Variants in IKZF3 observed in about 807,000 individuals in gnomAD.
The protein encoded by IKZF3 is zinc finger protein Aiolos.
A neutral mutation model predicts 49.0 loss-of-function variants in IKZF3; 10 were observed. The ratio of observed to expected loss-of-function variants is 0.20; its 90% CI spans 0.13 to 0.35. IKZF3 has a LOEUF of 0.35. Ranked by LOEUF, IKZF3 falls within the 10% of genes least tolerant of loss-of-function variation. The pLI, the probability that IKZF3 is intolerant of heterozygous loss-of-function variation, is 1.00. For missense variants in IKZF3, 498 were observed against 664.8 expected (o/e 0.75, Z 2.76); for synonymous variants, 209 against 228.2 (o/e 0.92, Z 0.76).
At chr17:39,825,462 A>C (rs1050688599) in intron 3 of IKZF3, among the ~76,000 whole-genome samples, 1 of 152,200 alleles carries the variant, frequency 6.6e-6, no homozygotes, top group African/African-American at 2.4e-5. Flanking sequence ...TCTGTGGAAA[A>C]GGCAAGGCAG....
intron 1 of IKZF3, among the ~76,000 whole-genome samples, chr17:39,863,262 G>C (rs2144617697): frequency 6.6e-6 from 1 of 152,074 alleles, no homozygotes; most frequent in East Asian, 1.9e-4. Context: ...TAGAAATAAA[G>C]CTGCCAAAGA....
intron 6 of IKZF3, 76 bp downstream of exon 6, chr17:39,788,182 G>T: frequency 1.2e-6 from 1 of 827,482 alleles, no homozygotes; most frequent in Non-Finnish European, 2.0e-6. Flanking sequence ...TAAACTCCAC[G>T]AGTCTTTTTA....
rs373994867 is a variant in IKZF3 at position 39,789,011 on chromosome 17, C to T, written c.593-637G>A. Among the ~76,000 whole-genome samples the T allele has an allele frequency of 7.9e-4, 121 of 152,258 alleles. No homozygotes were observed. In the Middle Eastern group the frequency reaches 0.024, roughly 30 times the overall value. On this transcript the variant is annotated intron_variant, in intron 5 of 7. Transcript: ENST00000346872. The stretch of plus-strand genomic sequence containing the variant: ...TGGGTGCAGTGGTGAAATCACAGCT[C>T]GCTACAGCCCCAATTTCATAGGCTC...
chr17:39,829,028 T>G (rs114164847), intron 3 of IKZF3, among the ~76,000 whole-genome samples: 1,852 of 152,140 alleles, frequency 0.012, 38 homozygotes, highest in African/African-American at 0.042. Context: ...ATAATTGAAT[T>G]GAATTGTTGG....
At chr17:39,788,879 G>A (rs1388801945) in intron 5 of IKZF3, among the ~76,000 whole-genome samples, 2 of 152,158 alleles carry the variant, frequency 1.3e-5, no homozygotes, top group African/African-American at 4.8e-5. Flanking sequence ...TCCTTGCCAC[G>A]TGGCTATAGC....
chr17:39,807,915 GT>G (rs926247976), intron 3 of IKZF3, among the ~76,000 whole-genome samples: 2 of 152,028 alleles, frequency 1.3e-5, no homozygotes, highest in Non-Finnish European at 2.9e-5. Flanking sequence ...AGTACAAAGG[GT>G]TTTTTAGGGT....
intron 7 of IKZF3, among the ~76,000 whole-genome samples, chr17:39,767,068 C>T (rs2060313313): frequency 6.6e-6 from 1 of 152,054 alleles, no homozygotes. Context: ...CTGGCTACTC[C>T]CCAAACTCAC....
chr17:39,761,286 G>C lies in IKZF3; in HGVS notation c.*4504C>G, dbSNP rs1334569772. 6.6e-6 allele frequency: 1 copy of C among 152,170 alleles called. No individual in the cohort carries two copies. The highest frequency in any genetic ancestry group is 1.9e-4 in the East Asian group (1 of 5,202). 9.4% of individuals were successfully genotyped at this position (152,170 alleles called of 1,614,324 possible). Reference sequence around the variant, plus strand: ...ATGTCTTTTTGGGAGAATAACTTGAGGAAACTAAAGACTGATGAGTTCATT... The same window carrying C: ...ATGTCTTTTTGGGAGAATAACTTGACGAAACTAAAGACTGATGAGTTCATT... On this transcript the variant is annotated 3_prime_UTR_variant, in exon 8 of 8. Coordinates refer to ENST00000346872, the MANE Select transcript of IKZF3 (RefSeq NM_012481.5).
chr17:39,770,869 G>A (rs893093468), intron 7 of IKZF3, among the ~76,000 whole-genome samples: 5 of 149,664 alleles, frequency 3.3e-5, no homozygotes, highest in Admixed American at 6.7e-5. Flanking sequence ...GCAATGGTAC[G>A]ATCTCGACTC....
intron 1 of IKZF3, among the ~76,000 whole-genome samples, chr17:39,851,212 A>G (rs2062865316): frequency 6.6e-6 from 1 of 151,608 alleles, no homozygotes; most frequent in African/African-American, 2.4e-5. Flanking sequence ...TTTTTCTTGT[A>G]GAGATGGGGT....
At position 39,792,686 on chromosome 17, in the gene IKZF3, C is replaced by T. The variant is rs780275377; in HGVS notation, c.411G>A (p.Lys137=). The part of the protein sequence containing the change: ...CISFNVLMVH[K]RSHTGERPFQ... The stretch of plus-strand genomic sequence containing the variant: ...CAGACTATTTACCAGTATGGCTTCG[C>T]TTATGAACCATTAAGACATTGAAGC... Residue 137 remains lysine, a synonymous_variant, in exon 4 of 8, where the codon AAG becomes AAA. Coordinates refer to ENST00000346872, the MANE Select transcript of IKZF3 (RefSeq NM_012481.5). 9 of 1,614,060 alleles carry T rather than the reference C, an allele frequency of 5.6e-6. No individual in the cohort carries two copies. Among genetic ancestry groups the T allele is most frequent in the Non-Finnish European group, 6.8e-6 (8 of 1,179,932 alleles).
At chr17:39,863,708 A>T in intron 1 of IKZF3, among the ~76,000 whole-genome samples, 1 of 152,152 alleles carries the variant, frequency 6.6e-6, no homozygotes, top group East Asian at 1.9e-4. Context: ...ATATGACACC[A>T]TTTACCCTTG....
At chr17:39,850,347 C>CATATAATATATAGCATATTATATATGTAT (rs1568063005) in intron 1 of IKZF3, among the ~76,000 whole-genome samples, 17 of 123,950 alleles carry the variant, frequency 1.4e-4, no homozygotes, top group South Asian at 6.9e-4. Context: ...TATACATGTA[C>CATATAATATATAGCATATTATATATGTAT]ATATAATATA....
At chr17:39,801,825 TTTTC>T (rs1319600927) in intron 3 of IKZF3, among the ~76,000 whole-genome samples, 2 of 151,884 alleles carry the variant, frequency 1.3e-5, no homozygotes, top group Admixed American at 1.3e-4. Flanking sequence ...ATCTATTATG[TTTTC>T]TTTTTTTCTC....
intron 1 of IKZF3, chr17:39,836,208 G>A: frequency 1.5e-6 from 1 of 647,254 alleles, no homozygotes. Flanking sequence ...TGATGGCTGT[G>A]ATGCCTCCTA....
At chr17:39,778,044 C>G (rs536362834) in intron 6 of IKZF3, 1 of 1,078,666 alleles carries the variant, frequency 9.3e-7, no homozygotes, top group East Asian at 6.3e-5. Flanking sequence ...AAATAAACAG[C>G]CTGGACGTGG....
In IKZF3 at chr17:39,839,439, A is replaced by G. The variant is rs1027558840; in HGVS notation, c.8-7288T>C. 3 of 590,216 alleles carry G rather than the reference A, an allele frequency of 5.1e-6. No homozygotes were observed. In the African/African-American group the frequency reaches 5.7e-5, roughly 11 times the overall value. The allele number at this position is 590,216 out of a possible 1,614,324, so 36.6% of individuals were successfully genotyped here. On this transcript the variant is annotated intron_variant, in intron 1 of 7. Transcript: ENST00000346872. ...GTACCTGATTTTATTACCAGTTTTC[A>G]TCTAAATCCACTGCGGAATGGGAAG...
At chr17:39,800,129 T>C (rs2061279577) in intron 3 of IKZF3, among the ~76,000 whole-genome samples, 1 of 152,248 alleles carries the variant, frequency 6.6e-6, no homozygotes, top group Non-Finnish European at 1.5e-5. Flanking sequence ...TGCCTGATAG[T>C]ATCCTGAAGT....
At chr17:39,775,995 T>C (rs2143695636) in intron 7 of IKZF3, among the ~76,000 whole-genome samples, 1 of 152,102 alleles carries the variant, frequency 6.6e-6, no homozygotes, top group South Asian at 2.1e-4. Flanking sequence ...CAGCTCTCCC[T>C]ATGATGTCCC....
Sources: gnomAD v4.1 joint callset for allele counts (sites outside exome capture counted in the v4.1 genomes callset) on GRCh38, gnomAD v4.1.1 for gene constraint, MANE v1.5 for transcripts, NCBI Gene and HGNC (gene_info 2026-07-23, HGNC 2026-07-21) for gene names.